The following MARCHF1 variants were observed in gnomAD, a reference collection of about 807,000 sequenced individuals.
MARCHF1 encodes E3 ubiquitin-protein ligase MARCHF1.
A neutral mutation model predicts 54.2 loss-of-function variants in MARCHF1; 40 were observed. That is an observed-to-expected ratio of 0.74 (90% CI 0.57 to 0.96). The LOEUF is 0.96. MARCHF1 is among the 40% of genes least tolerant of loss of function. MARCHF1 has a pLI of 0.00. For synonymous variants in MARCHF1, 236 were observed against 236.3 expected (o/e 1.00, Z 0.01); for missense variants, 586 against 656.5 (o/e 0.89, Z 1.17).
At chr4:163,899,811 A>G (rs1387009271) in intron 3 of MARCHF1, among the ~76,000 whole-genome samples, 1 of 148,842 alleles carries the variant, frequency 6.7e-6, no homozygotes, top group African/African-American at 2.5e-5. Context: ...TTTCTGCCAC[A>G]GTTTTCTCTT....
intron 8 of MARCHF1, among the ~76,000 whole-genome samples, chr4:163,575,134 C>A (rs372472407): frequency 6.6e-6 from 1 of 151,858 alleles, no homozygotes. Context: ...CAGCTTTTGT[C>A]CATTAAGTAT....
intron 1 of MARCHF1, among the ~76,000 whole-genome samples, chr4:164,379,752 G>A (rs1376561568): frequency 6.6e-6 from 1 of 152,074 alleles, no homozygotes; most frequent in Non-Finnish European, 1.5e-5. Flanking sequence ...TTGGGAGGCT[G>A]AGGCAGGCAG....
At chr4:164,180,839 G>A (rs7659131) in intron 1 of MARCHF1, among the ~76,000 whole-genome samples, 18,476 of 152,024 alleles carry the variant, frequency 0.12, 1,418 homozygotes, top group Admixed American at 0.21. Context: ...TGCTACATCC[G>A]CTTGCCATCT....
chr4:164,378,256 A>G (rs1455632694), intron 1 of MARCHF1, among the ~76,000 whole-genome samples: 1 of 152,240 alleles, frequency 6.6e-6, no homozygotes, highest in Non-Finnish European at 1.5e-5. Flanking sequence ...CTGATGTGAG[A>G]CAAAGAATCT....
intron 3 of MARCHF1, among the ~76,000 whole-genome samples, chr4:163,877,193 T>C (rs535400670): frequency 6.6e-6 from 1 of 152,318 alleles, no homozygotes; most frequent in East Asian, 1.9e-4. Context: ...TCACTTGTGA[T>C]ATCAAGATCA....
At chr4:164,182,658 T>G (rs1033163902) in intron 1 of MARCHF1, among the ~76,000 whole-genome samples, 1 of 151,914 alleles carries the variant, frequency 6.6e-6, no homozygotes, top group African/African-American at 2.4e-5. Flanking sequence ...TTACACAGAT[T>G]TTACAATCAT....
intron 5 of MARCHF1, among the ~76,000 whole-genome samples, chr4:163,696,919 G>T (rs1242920417): frequency 6.6e-6 from 1 of 152,064 alleles, no homozygotes; most frequent in Non-Finnish European, 1.5e-5. Flanking sequence ...CCACACCCAG[G>T]TTCAGTGACT....
intron 3 of MARCHF1, among the ~76,000 whole-genome samples, chr4:163,967,432 G>A (rs1752464723): frequency 6.6e-6 from 1 of 152,118 alleles, no homozygotes; most frequent in African/African-American, 2.4e-5. Context: ...TTTAAGAAAG[G>A]CAAATCACTT....
intron 1 of MARCHF1, among the ~76,000 whole-genome samples, chr4:164,256,226 A>G (rs957965952): frequency 2.0e-5 from 3 of 151,966 alleles, no homozygotes; most frequent in Non-Finnish European, 4.4e-5. Context: ...CAAGTCAAAA[A>G]TCTAAGTATC....
At chr4:164,298,690 C>T (rs1312123689) in intron 1 of MARCHF1, among the ~76,000 whole-genome samples, 1 of 152,054 alleles carries the variant, frequency 6.6e-6, no homozygotes. Context: ...TATGATATAA[C>T]TCTAAGGTTA....
intron 2 of MARCHF1, among the ~76,000 whole-genome samples, chr4:164,045,607 GTTTTTGTT>G: frequency 6.7e-6 from 1 of 149,836 alleles, no homozygotes; most frequent in African/African-American, 2.5e-5. Context: ...TTTAGCTTAG[GTTTTTGTT>G]TGTTTGTTTG....
chr4:163,935,665 T>C (rs1047981322), intron 3 of MARCHF1, among the ~76,000 whole-genome samples: 5 of 151,640 alleles, frequency 3.3e-5, no homozygotes, highest in East Asian at 2.0e-4. Flanking sequence ...CACTAAAACT[T>C]TCTCCATATC....
chr4:164,307,061 A>T (rs1734713834), intron 1 of MARCHF1, among the ~76,000 whole-genome samples: 1 of 152,192 alleles, frequency 6.6e-6, no homozygotes, highest in East Asian at 1.9e-4. Flanking sequence ...GCCTGGAAAA[A>T]TATAACTCTT....
At chr4:163,759,371 G>A (rs1293547978) in intron 4 of MARCHF1, among the ~76,000 whole-genome samples, 1 of 151,918 alleles carries the variant, frequency 6.6e-6, no homozygotes, top group African/African-American at 2.4e-5. Flanking sequence ...TTCAATACTG[G>A]TTTATAAGCT....
intron 2 of MARCHF1, among the ~76,000 whole-genome samples, chr4:164,035,633 C>CAAAAAAAAAAAAAAA (rs34846855): frequency 6.9e-6 from 1 of 144,216 alleles, no homozygotes; most frequent in Non-Finnish European, 1.5e-5. Context: ...ATAAAGAATA[C>CAAAAAAAAAAAAAAA]AAAAAAAAAA....
At chr4:163,930,501 T>G (rs1294263274) in intron 3 of MARCHF1, among the ~76,000 whole-genome samples, 3 of 148,294 alleles carry the variant, frequency 2.0e-5, no homozygotes, top group African/African-American at 5.0e-5. Context: ...TTTTCTGGTG[T>G]GATGATTAAT....
At chr4:163,805,836 G>A (rs74933768) in intron 4 of MARCHF1, among the ~76,000 whole-genome samples, 3,624 of 152,254 alleles carry the variant, frequency 0.024, 65 homozygotes, top group East Asian at 0.074. Flanking sequence ...CTCAGCTGCA[G>A]AATCCCCTCT....
At chr4:164,356,752 T>G (rs1233834456) in intron 1 of MARCHF1, among the ~76,000 whole-genome samples, 1 of 45,788 alleles carries the variant, frequency 2.2e-5, no homozygotes, top group South Asian at 6.7e-4. Context: ...ACCCTAAAAC[T>G]TAAAGTATAA....
chr4:164,050,248 C>T (rs960052538), intron 2 of MARCHF1, among the ~76,000 whole-genome samples: 1 of 129,108 alleles, frequency 7.7e-6, no homozygotes, highest in African/African-American at 3.0e-5. Flanking sequence ...GCATTCCAGC[C>T]TGGGCGACGG....
Sources: allele counts gnomAD v4.1 joint callset (sites outside exome capture counted in the v4.1 genomes callset), GRCh38; gene constraint gnomAD v4.1.1; transcripts MANE v1.5; gene names NCBI Gene and HGNC (gene_info 2026-07-23, HGNC 2026-07-21).